The following ZNF112 variants were observed in gnomAD, a reference collection of about 807,000 sequenced individuals.
ZNF112 encodes the protein zinc finger protein 112.
A neutral mutation model predicts 77.7 loss-of-function variants in ZNF112; 37 were observed. The ratio of observed to expected loss-of-function variants is 0.48; its 90% CI spans 0.37 to 0.63. ZNF112 has a LOEUF of 0.63. Among genes scored for constraint, ZNF112 ranks in the 20% least tolerant of loss-of-function variants. The probability of loss-of-function intolerance (pLI) is 0.00; values close to 1 mark genes in which losing one functional copy is unlikely to be tolerated. For synonymous variants in ZNF112, 333 were observed against 363.6 expected, an observed-to-expected ratio of 0.92 and a Z score of 0.96; for missense variants, 950 against 1,077.4, an observed-to-expected ratio of 0.88 and a Z score of 1.66.
At position 44,328,531 on chromosome 19, in the gene ZNF112, T is replaced by A. The variant is rs2609880; in HGVS notation, c.1626A>T (p.Thr542=). Residue 542 remains threonine, a synonymous_variant, in exon 4 of 4, where the codon ACA becomes ACT. Transcript: ENST00000354340. ...CCTCGCATTTATAAGGTTTCTCTCC[T>A]GTGTGGACTCTCTGATGAACATTCA... ...SVLNVHQRVH[T]GEKPYKCEEC... 12 of 1,612,914 alleles carry A rather than the reference T, an allele frequency of 7.4e-6. No homozygotes were observed. Among genetic ancestry groups the A allele is most frequent in the African/African-American group, 1.3e-5 (1 of 74,830 alleles).
chr19:44,345,050 G>T (rs1374003559), intron 1 of ZNF112, among the ~76,000 whole-genome samples: 1 of 152,192 alleles, frequency 6.6e-6, no homozygotes, highest in Non-Finnish European at 1.5e-5. Flanking sequence ...TGTGTTCTCA[G>T]TTACTAGGAC....
chr19:44,328,780 G>A lies in ZNF112; in HGVS notation c.1377C>T (p.His459=), dbSNP rs1325393542. Residue 459 remains histidine, a synonymous_variant, in exon 4 of 4, where the codon CAC becomes CAT. Transcript: ENST00000354340. The stretch of plus-strand genomic sequence containing the variant: ...AGCGTTTATATGGTTGTTCCTTAGT[G>A]TGGACTATCTGAAGGTCCTGAAAAT... The part of the protein sequence containing the change: ...ASHFQDLQIV[H]TKEQPYKRYV... 6.2e-7 allele frequency: 1 copy of A among 1,614,076 alleles called. No individual in the cohort carries two copies. The highest frequency in any genetic ancestry group is 2.2e-5 in the East Asian group (1 of 44,872).
At chr19:44,334,397 C>A (rs923476259) in intron 3 of ZNF112, among the ~76,000 whole-genome samples, 2 of 152,164 alleles carry the variant, frequency 1.3e-5, no homozygotes, top group Admixed American at 6.5e-5. Context: ...AAATTTGCAG[C>A]CTGATCATGT....
At chr19:44,346,177 A>T (rs932934506) in intron 1 of ZNF112, among the ~76,000 whole-genome samples, 1 of 152,208 alleles carries the variant, frequency 6.6e-6, no homozygotes, top group Admixed American at 6.5e-5. Flanking sequence ...TGCTTTGGCC[A>T]AGAGCCCAGG....
At position 44,327,794 on chromosome 19, in the gene ZNF112, G is replaced by A. The variant is rs1465267595; in HGVS notation, c.2363C>T (p.Ala788Val). The A allele has an allele frequency of 6.2e-7, 1 of 1,614,030 alleles. No individual in the cohort carries two copies. The highest frequency in any genetic ancestry group is 8.5e-7 in the Non-Finnish European group (1 of 1,179,966). Residue 788 changes from alanine to valine, a missense_variant, in exon 4 of 4, where the codon GCA becomes GTA. Physicochemically the swap from Ala to Val is moderately conservative, Grantham distance 64 (BLOSUM62 0). This residue lies in a region of ZNF112 where 373 missense variants were observed against 482.8 expected (regional missense o/e 0.77). Transcript: ENST00000354340. The stretch of plus-strand genomic sequence containing the variant: ...CCCTTCCACATGAACCCTTTGGTGT[G>A]CTTGAAGGCGTGAACTCTCACTGAA... Reference protein sequence around the residue: ...KGFSESSRLQAHQRVHVEGRP... With the variant: ...KGFSESSRLQVHQRVHVEGRP...
At chr19:44,362,809 C>T (rs1335872146) in intron 1 of ZNF112, among the ~76,000 whole-genome samples, 2 of 152,058 alleles carry the variant, frequency 1.3e-5, no homozygotes, top group African/African-American at 4.8e-5. Context: ...TCATTTTCTC[C>T]CCTGCCGCAT....
chr19:44,331,069 C>T (rs550019714), intron 3 of ZNF112, among the ~76,000 whole-genome samples: 128 of 152,336 alleles, frequency 8.4e-4, no homozygotes, highest in African/African-American at 2.9e-3. Context: ...ATGAGACTAA[C>T]GCGCTGCCAG....
chr19:44,361,743 T>A (rs1448330459), intron 1 of ZNF112, among the ~76,000 whole-genome samples: 1 of 152,214 alleles, frequency 6.6e-6, no homozygotes, highest in Non-Finnish European at 1.5e-5. Flanking sequence ...ACCCATGGAA[T>A]GTACAACACA....
In ZNF112 at chr19:44,329,558, T is replaced by C; in HGVS notation, c.599A>G (p.His200Arg). ...CRCQQISMKN[H>R]FCKCDSVSWL... is the part of the protein sequence containing the mutation. ...ACTGACACTGTCACACTTACAGAAA[T>C]GATTTTTCATGGAAATTTGCTGACA... Residue 200 changes from histidine to arginine, a missense_variant, in exon 4 of 4, where the codon CAT (histidine) becomes CGT (arginine). Around this residue, in one of 3 missense-constraint regions of ZNF112, gnomAD observed 560 missense variants for 557.3 expected, o/e 1.00. Coordinates refer to ENST00000354340, the MANE Select transcript of ZNF112 (RefSeq NM_013380.4). The C allele has an allele frequency of 6.2e-7, 1 of 1,613,416 alleles. No individual in the cohort carries two copies. Among genetic ancestry groups the C allele is most frequent in the Non-Finnish European group, 8.5e-7 (1 of 1,179,842 alleles).
chr19:44,366,128 T>C (rs951398948), intron 1 of ZNF112, among the ~76,000 whole-genome samples: 3 of 152,174 alleles, frequency 2.0e-5, no homozygotes, highest in Admixed American at 2.0e-4. Flanking sequence ...GGCAGGAGGA[T>C]AGCTTGTAGC....
At chr19:44,344,877 A>C (rs1377369393) in intron 1 of ZNF112, among the ~76,000 whole-genome samples, 2 of 152,228 alleles carry the variant, frequency 1.3e-5, no homozygotes, top group African/African-American at 4.8e-5. Context: ...TAAGAAGACC[A>C]ACTCACATGC....
chr19:44,347,197 A>G lies in ZNF112; in HGVS notation c.-3-6655T>C, dbSNP rs574622923. ...CATCCCTGGCCTTGGTCTGAAGTCT[A>G]CTTTGATATTAATATAGCCACTCCG... On this transcript the variant is annotated intron_variant, in intron 1 of 3. Transcript: ENST00000354340. Among the ~76,000 whole-genome samples, 10 of 152,200 alleles carry G rather than the reference A, an allele frequency of 6.6e-5. No homozygotes were observed. In the South Asian group the frequency reaches 1.9e-3, roughly 28 times the overall value.
chr19:44,329,477 C>A lies in ZNF112; in HGVS notation c.680G>T (p.Cys227Phe), dbSNP rs749945199. ...CATGATATCTTCTCCACAGTCATGG[C>A]AGCTGTAGTTTTCTTTTCTGTGTAC... is the stretch of plus-strand genomic sequence containing the variant. ...LEVHRKENYS[C>F]HDCGEDIMKV... The change falls in exon 4 of 4, where the codon TGC (cysteine) becomes TTC (phenylalanine). Residue 227 changes from cysteine (C) to phenylalanine (F), a missense_variant. Transcript: ENST00000354340. 1.2e-6 allele frequency: 2 copies of A among 1,614,090 alleles called. No homozygotes were observed. The highest frequency in any genetic ancestry group is 1.3e-5 in the African/African-American group (1 of 75,048).
chr19:44,331,575 A>T (rs563813880), intron 3 of ZNF112, among the ~76,000 whole-genome samples: 3 of 152,332 alleles, frequency 2.0e-5, no homozygotes, highest in African/African-American at 4.8e-5. Context: ...AAGCAGTAAA[A>T]GGGATGTTTT....
chr19:44,353,901 A>G (rs1347310019), intron 1 of ZNF112, among the ~76,000 whole-genome samples: 1 of 11,304 alleles, frequency 8.8e-5, no homozygotes, highest in Non-Finnish European at 1.6e-4. Context: ...AATAAGCACA[A>G]AAAAAACTGT....
chr19:44,350,529 G>A (rs1218289996), intron 1 of ZNF112, among the ~76,000 whole-genome samples: 2 of 151,918 alleles, frequency 1.3e-5, no homozygotes, highest in Admixed American at 6.6e-5. Context: ...TAATGAACTC[G>A]ACCTAAAATT....
At chr19:44,358,292 T>TA (rs574587097), upstream of ZNF112, among the ~76,000 whole-genome samples, 50 of 152,046 alleles carry the variant, frequency 3.3e-4, no homozygotes, top group South Asian at 8.9e-3. Flanking sequence ...GGATTTTTTT[T>TA]TATAAAATGA....
At chr19:44,359,051 T>C (rs143294854), upstream of ZNF112, among the ~76,000 whole-genome samples, 5,359 of 152,236 alleles carry the variant, frequency 0.035, 253 homozygotes, top group Admixed American at 0.13. Flanking sequence ...TTGTAAACAT[T>C]ATTAAACAAC....
intron 1 of ZNF112, among the ~76,000 whole-genome samples, chr19:44,347,272 T>C (rs1002209835): frequency 2.0e-5 from 3 of 152,252 alleles, no homozygotes; most frequent in South Asian, 2.1e-4. Flanking sequence ...TATGTCCTTG[T>C]ATTTAAATGG....
Sources: allele counts gnomAD v4.1 joint callset (sites outside exome capture counted in the v4.1 genomes callset), GRCh38; gene constraint gnomAD v4.1.1; regional missense constraint gnomAD v4.1.1; transcripts MANE v1.5; gene names NCBI Gene and HGNC (gene_info 2026-07-23, HGNC 2026-07-21).